The following KIAA1217 variants were observed in gnomAD, a reference collection of about 807,000 sequenced individuals.
KIAA1217 encodes KIAA1217.
In KIAA1217, 88 loss-of-function variants were observed where a neutral mutation model predicts 163.9. That is an observed-to-expected ratio of 0.54 (90% confidence interval 0.45 to 0.64). The LOEUF is 0.64. Among genes scored for constraint, KIAA1217 ranks in the 30% least tolerant of loss-of-function variants. The probability of loss-of-function intolerance (pLI) is 0.00; values close to 1 mark genes in which losing one functional copy is unlikely to be tolerated. For missense variants in KIAA1217, 2,372 were observed against 2,475.0 expected (o/e 0.96, Z 0.88); for synonymous variants, 903 against 923.1 (o/e 0.98, Z 0.39).
chr10:24,515,214 C>T (rs1404969699), intron 10 of KIAA1217, among the ~76,000 whole-genome samples: 1 of 151,522 alleles, frequency 6.6e-6, no homozygotes, highest in African/African-American at 2.4e-5. Flanking sequence ...ATTACAGGTG[C>T]ACACCATGAT....
intron 2 of KIAA1217, chr10:24,239,132 A>G (rs1292463803): frequency 1.0e-6 from 1 of 984,996 alleles, no homozygotes; most frequent in Non-Finnish European, 1.2e-6. Flanking sequence ...AGCTACTCAA[A>G]AAGTCCTATA....
upstream of KIAA1217, among the ~76,000 whole-genome samples, chr10:24,205,427 A>C (rs778396170): frequency 1.3e-5 from 2 of 151,758 alleles, no homozygotes; most frequent in Non-Finnish European, 2.9e-5. Context: ...GTGAGCCGAG[A>C]TCGCGCCATT....
At chr10:24,125,144 C>G (rs1402744181) in intron 2 of KIAA1217, among the ~76,000 whole-genome samples, 1 of 152,110 alleles carries the variant, frequency 6.6e-6, no homozygotes, top group East Asian at 1.9e-4. Flanking sequence ...TGGTGGCACA[C>G]ACCTGTAGTC....
In KIAA1217 at chr10:24,513,241, A is replaced by AT. The variant is rs1337306678; in HGVS notation, c.2002-11dup. 2.5e-6 allele frequency: 4 copies of AT among 1,611,946 alleles called. No individual in the cohort carries two copies. The highest frequency in any genetic ancestry group is 2.5e-6 in the Non-Finnish European group (3 of 1,178,900). ...AGGCAGGCAGAGCCCACTGAGGTTG[A>AT]TTTTTTTGTGTTCACAGCTGCAGAA... is the stretch of plus-strand genomic sequence containing the variant. On this transcript the variant is annotated splice_polypyrimidine_tract_variant and intron_variant, in intron 9 of 20. Transcript: ENST00000376454.
chr10:23,876,099 TA>T (rs199774520), intron 1 of KIAA1217, among the ~76,000 whole-genome samples: 2,997 of 138,466 alleles, frequency 0.022, 112 homozygotes, highest in African/African-American at 0.071. Flanking sequence ...AAAGTATAAT[TA>T]AAAAAAAAAA....
chr10:24,145,641 G>A (rs1323277026), intron 2 of KIAA1217, among the ~76,000 whole-genome samples: 3 of 152,210 alleles, frequency 2.0e-5, no homozygotes, highest in South Asian at 2.1e-4. Flanking sequence ...AAGCTGAGGA[G>A]CAGAGAAGCC....
chr10:24,098,760 T>TGTGTGTGTGTG (rs1554865618), intron 2 of KIAA1217, among the ~76,000 whole-genome samples: 28 of 146,808 alleles, frequency 1.9e-4, no homozygotes, highest in African/African-American at 4.6e-4. Flanking sequence ...TGTGTGTGTG[T>TGTGTGTGTGTG]TAGAGAGAGA....
At chr10:23,833,480 A>T (rs1402693760) in intron 1 of KIAA1217, among the ~76,000 whole-genome samples, 2 of 131,990 alleles carry the variant, frequency 1.5e-5, no homozygotes, top group Non-Finnish European at 3.2e-5. Context: ...GAGACTGTCT[A>T]AAAAAAAAAA....
intron 2 of KIAA1217, among the ~76,000 whole-genome samples, chr10:24,135,213 A>G (rs2063789147): frequency 6.6e-6 from 1 of 152,220 alleles, no homozygotes; most frequent in Admixed American, 6.5e-5. Context: ...GGAGATTCCA[A>G]GCAGCGGGCT....
intron 2 of KIAA1217, among the ~76,000 whole-genome samples, chr10:24,380,183 G>A (rs2053099943): frequency 6.6e-6 from 1 of 152,188 alleles, no homozygotes; most frequent in Admixed American, 6.5e-5. Context: ...CATCCATCTA[G>A]GGTGCGTAGA....
chr10:24,208,999 A>G, upstream of KIAA1217: 1 of 578,478 alleles, frequency 1.7e-6, no homozygotes, highest in South Asian at 2.0e-5. Flanking sequence ...GGGAGATCCA[A>G]GAGGCCCCGC....
intron 5 of KIAA1217, among the ~76,000 whole-genome samples, chr10:24,465,590 C>T (rs560145311): frequency 5.1e-4 from 78 of 152,360 alleles, no homozygotes; most frequent in African/African-American, 1.8e-3. Context: ...GGATAGCTTT[C>T]GGTTCCACCC....
chr10:23,825,373 G>T (rs1467707629), intron 1 of KIAA1217, among the ~76,000 whole-genome samples: 2 of 151,916 alleles, frequency 1.3e-5, no homozygotes, highest in East Asian at 1.9e-4. Context: ...CCTTATCTTT[G>T]CATCCTCTTT....
At chr10:23,869,903 G>A (rs79309069) in intron 1 of KIAA1217, among the ~76,000 whole-genome samples, 1,766 of 152,196 alleles carry the variant, frequency 0.012, 35 homozygotes, top group African/African-American at 0.04. Context: ...AGTGCATTCT[G>A]AGAAAGGAAT....
At chr10:24,134,455 G>T (rs1329606499) in intron 2 of KIAA1217, among the ~76,000 whole-genome samples, 1 of 152,166 alleles carries the variant, frequency 6.6e-6, no homozygotes, top group East Asian at 1.9e-4. Flanking sequence ...CAAAAGGCAA[G>T]GTATCTGGGA....
chr10:23,852,640 C>T (rs1001119217), intron 1 of KIAA1217, among the ~76,000 whole-genome samples: 2 of 152,144 alleles, frequency 1.3e-5, no homozygotes, highest in Non-Finnish European at 2.9e-5. Flanking sequence ...ATTCTTCCTA[C>T]CCATGAGCAT....
intron 13 of KIAA1217, among the ~76,000 whole-genome samples, chr10:24,525,761 G>A (rs1213745988): frequency 3.9e-5 from 6 of 152,128 alleles, no homozygotes; most frequent in Non-Finnish European, 5.9e-5. Flanking sequence ...GGCCGAGGCG[G>A]GTCGATCACT....
At position 24,184,940 on chromosome 10, in the gene KIAA1217, C is replaced by T. The variant is rs200075942; in HGVS notation, c.-170-34686C>T. On this transcript the variant is annotated intron_variant, in intron 2 of 18. Transcript: ENST00000376462. ...AAAAAAATATGTATTTCTCTCATTACGTATGGTATCTAATATAGGTATGTG... is the reference window on the plus strand; with the variant it reads ...AAAAAAATATGTATTTCTCTCATTATGTATGGTATCTAATATAGGTATGTG... Among the ~76,000 whole-genome samples, 6 of 152,094 alleles carry T rather than the reference C, an allele frequency of 3.9e-5. No homozygotes were observed. In the East Asian group the frequency reaches 7.7e-4, roughly 20 times the overall value.
chr10:24,404,285 T>A (rs962509189), intron 3 of KIAA1217, among the ~76,000 whole-genome samples: 10 of 152,044 alleles, frequency 6.6e-5, no homozygotes, highest in African/African-American at 2.4e-4. Flanking sequence ...AAACTAAAAG[T>A]GGGCCGGGTG....
Sources: gnomAD v4.1 joint callset for allele counts (sites outside exome capture counted in the v4.1 genomes callset) on GRCh38, gnomAD v4.1.1 for gene constraint, MANE v1.5 for transcripts, NCBI Gene and HGNC (gene_info 2026-07-23, HGNC 2026-07-21) for gene names.